Variants in SLC24A4 observed in about 807,000 individuals in gnomAD.
SLC24A4 encodes the protein sodium/potassium/calcium exchanger 4.
In SLC24A4, 53 loss-of-function variants were observed where a neutral mutation model predicts 79.0. That is an observed-to-expected ratio of 0.67 (90% CI 0.54 to 0.84). The LOEUF (loss-of-function observed/expected upper bound fraction) is 0.84, where lower values mean the gene tolerates loss of function less well. Among genes scored for constraint, SLC24A4 ranks in the 40% least tolerant of loss-of-function variants. SLC24A4 has a pLI of 0.00. For missense variants in SLC24A4, 731 were observed against 822.0 expected, an observed-to-expected ratio of 0.89 and a Z score of 1.35; for synonymous variants, 323 against 323.8, an observed-to-expected ratio of 1.00 and a Z score of 0.03.
intron 2 of SLC24A4, among the ~76,000 whole-genome samples, chr14:92,341,155 C>A (rs1314351937): frequency 6.6e-6 from 1 of 152,148 alleles, no homozygotes; most frequent in Non-Finnish European, 1.5e-5. Flanking sequence ...GGCCTGGTGG[C>A]CTTTGTGTCT....
chr14:92,472,204 C>A (rs1894473898), intron 12 of SLC24A4, among the ~76,000 whole-genome samples: 1 of 152,188 alleles, frequency 6.6e-6, no homozygotes, highest in Admixed American at 6.5e-5. Context: ...GTACAGACAA[C>A]CAGATTCAGC....
chr14:92,421,799 G>A (rs1348885413), intron 2 of SLC24A4, among the ~76,000 whole-genome samples: 1 of 152,088 alleles, frequency 6.6e-6, no homozygotes, highest in African/African-American at 2.4e-5. Flanking sequence ...GAGCCACTGT[G>A]CCAGGCCCAT....
At chr14:92,429,376 A>T (rs1595266441) in intron 2 of SLC24A4, among the ~76,000 whole-genome samples, 1 of 28,330 alleles carries the variant, frequency 3.5e-5, no homozygotes, top group Non-Finnish European at 6.0e-5. Flanking sequence ...GAGATAGATA[A>T]GTATGTGAGA....
intron 2 of SLC24A4, among the ~76,000 whole-genome samples, chr14:92,360,004 C>T (rs1032423380): frequency 6.6e-6 from 1 of 152,162 alleles, no homozygotes; most frequent in Non-Finnish European, 1.5e-5. Flanking sequence ...CTGCAACCTC[C>T]GCCTCCCAGG....
chr14:92,461,030 G>A (rs1271344944), intron 12 of SLC24A4, among the ~76,000 whole-genome samples: 1 of 152,220 alleles, frequency 6.6e-6, no homozygotes, highest in African/African-American at 2.4e-5. Flanking sequence ...TTTCGCCCGT[G>A]GAAACCATGG....
chr14:92,470,706 A>C (rs983671864), intron 12 of SLC24A4, among the ~76,000 whole-genome samples: 1 of 152,160 alleles, frequency 6.6e-6, no homozygotes, highest in African/African-American at 2.4e-5. Context: ...GGGGGCCAGG[A>C]GGGGTTCCCA....
intron 2 of SLC24A4, among the ~76,000 whole-genome samples, chr14:92,366,602 C>T (rs900534190): frequency 6.6e-6 from 1 of 152,148 alleles, no homozygotes; most frequent in African/African-American, 2.4e-5. Flanking sequence ...GAAATAATAC[C>T]CTTCGCTTTG....
intron 12 of SLC24A4, among the ~76,000 whole-genome samples, chr14:92,473,821 G>T (rs980210539): frequency 2.6e-5 from 4 of 152,192 alleles, no homozygotes; most frequent in African/African-American, 9.7e-5. Flanking sequence ...CATCCTCAGG[G>T]ACAGGCTCTG....
intron 2 of SLC24A4, among the ~76,000 whole-genome samples, chr14:92,351,534 T>C (rs1443274668): frequency 6.6e-6 from 1 of 152,234 alleles, no homozygotes; most frequent in Non-Finnish European, 1.5e-5. Context: ...CTATTAGAGC[T>C]ATTCTTAAGT....
At chr14:92,322,946 A>G (rs567367511), upstream of SLC24A4, among the ~76,000 whole-genome samples, 153 of 152,268 alleles carry the variant, frequency 1.0e-3, no homozygotes, top group African/African-American at 3.6e-3. Context: ...GGGTAAAGGA[A>G]GGGCTCGTTG....
chr14:92,337,821 G>T (rs1190538972), intron 2 of SLC24A4, among the ~76,000 whole-genome samples: 5 of 152,204 alleles, frequency 3.3e-5, no homozygotes, highest in Non-Finnish European at 7.3e-5. Context: ...GCTTACAGGA[G>T]TGCCTGGCAT....
At chr14:92,387,635 A>G (rs1225251255) in intron 2 of SLC24A4, among the ~76,000 whole-genome samples, 4 of 152,228 alleles carry the variant, frequency 2.6e-5, no homozygotes, top group Non-Finnish European at 5.9e-5. Flanking sequence ...TGGTTGTGCA[A>G]CCATCACCAC....
intron 2 of SLC24A4, among the ~76,000 whole-genome samples, chr14:92,428,109 G>A (rs1267009458): frequency 6.6e-6 from 1 of 152,238 alleles, no homozygotes; most frequent in African/African-American, 2.4e-5. Flanking sequence ...TGTTATAGCA[G>A]CCTGAATGAA....
chr14:92,460,140 G>T (rs566531283), intron 12 of SLC24A4, among the ~76,000 whole-genome samples: 1 of 152,148 alleles, frequency 6.6e-6, no homozygotes, highest in South Asian at 2.1e-4. Flanking sequence ...TGCAGATATC[G>T]TGTGTTGTGA....
chr14:92,337,470 C>T (rs1243109062), intron 2 of SLC24A4, among the ~76,000 whole-genome samples: 2 of 152,208 alleles, frequency 1.3e-5, no homozygotes, highest in Non-Finnish European at 2.9e-5. Flanking sequence ...ACACCTCTCT[C>T]CCTGGCTGAC....
intron 14 of SLC24A4, among the ~76,000 whole-genome samples, chr14:92,488,904 T>C (rs1018022703): frequency 8.5e-5 from 13 of 152,094 alleles, no homozygotes; most frequent in African/African-American, 3.1e-4. Context: ...GGAGGGGTGT[T>C]AGGATGCTGG....
intron 2 of SLC24A4, among the ~76,000 whole-genome samples, chr14:92,372,797 G>C (rs17128265): frequency 0.054 from 8,166 of 151,896 alleles, 282 homozygotes; most frequent in South Asian, 0.074. Context: ...TTTTGAAGAC[G>C]TGGGTAGGAC....
At position 92,470,651 on chromosome 14, in the gene SLC24A4, T is replaced by A. The variant is rs144472118; in HGVS notation, c.1256-12029T>A. Among the ~76,000 whole-genome samples, 51 of 152,280 alleles carry A rather than the reference T, an allele frequency of 3.3e-4. 1 individual carries two copies. Among genetic ancestry groups the A allele is most frequent in the African/African-American group, 1.2e-3 (49 of 41,556 alleles). ...ATGTTTGCGTGTCAATCGGAGTCCG[T>A]GATGAACATTCCACTCCAATATTGC... is the stretch of plus-strand genomic sequence containing the variant. On this transcript the variant is annotated intron_variant, in intron 12 of 16. Coordinates refer to ENST00000532405, the MANE Select transcript of SLC24A4 (RefSeq NM_153646.4).
intron 12 of SLC24A4, 72 bp downstream of exon 12, chr14:92,456,680 A>C: frequency 6.8e-7 from 1 of 1,472,988 alleles, no homozygotes; most frequent in South Asian, 1.2e-5. Context: ...CCAGGTCTTC[A>C]GGATGGAGGC....
Sources: allele counts gnomAD v4.1 joint callset (sites outside exome capture counted in the v4.1 genomes callset), GRCh38; gene constraint gnomAD v4.1.1; transcripts MANE v1.5; gene names NCBI Gene and HGNC (gene_info 2026-07-23, HGNC 2026-07-21).